PIGT: variants seen among roughly 807,000 people sequenced by gnomAD.
PIGT encodes GPI-anchor transamidase component PIGT.
A neutral mutation model predicts 66.7 loss-of-function variants in PIGT; 57 were observed. The ratio of observed to expected loss-of-function variants is 0.86; its 90% CI spans 0.69 to 1.07. PIGT has a LOEUF of 1.07. Ranked by LOEUF, PIGT falls within the 50% of genes least tolerant of loss-of-function variation. The probability of loss-of-function intolerance (pLI) is 0.00; values close to 1 mark genes in which losing one functional copy is unlikely to be tolerated. For missense variants in PIGT, 725 were observed against 740.4 expected (o/e 0.98, Z 0.24); for synonymous variants, 362 against 320.5 (o/e 1.13, Z -1.38).
chr20:45,418,846 A>C lies in PIGT; in HGVS notation c.366-6A>C, dbSNP rs201081759. On this transcript the variant is annotated splice_polypyrimidine_tract_variant and splice_region_variant and intron_variant, in intron 2 of 11. Transcript: ENST00000279036. ...GGACAGTGAGTGGATTTGTGTCTCT[A>C]TCCAGTGTGGATAAATCTTGGAAGG... is the stretch of plus-strand genomic sequence containing the variant. 6.2e-7 allele frequency: 1 copy of C among 1,613,754 alleles called. No individual in the cohort carries two copies. Among genetic ancestry groups the C allele is most frequent in the African/African-American group, 1.3e-5 (1 of 74,910 alleles).
At chr20:45,419,631 C>A in intron 5 of PIGT, 41 bp downstream of exon 5, 1 of 1,377,766 alleles carries the variant, frequency 7.3e-7, no homozygotes, top group Non-Finnish European at 1.0e-6. Flanking sequence ...TCCAGGGGCT[C>A]AGAGAAGGTA....
Position 45,421,423 on chromosome 20 carries a change from G to C in PIGT, c.1074G>C (p.Val358=). 9.3e-6 allele frequency: 15 copies of C among 1,614,162 alleles called. No homozygotes were observed. The highest frequency in any genetic ancestry group is 1.3e-5 in the Non-Finnish European group (15 of 1,180,016). The change falls in exon 9 of 12, where the codon GTG becomes GTC. Residue 358 remains valine (V), a synonymous_variant. Transcript: ENST00000279036. ...PVPFLHAQRY[V]SGYGLQKGEL... is the part of the protein sequence containing the mutation. ...CCTTCCTGCATGCCCAGCGGTACGT[G>C]AGTGGCTATGGGCTGCAGAAGGGGG... is the stretch of plus-strand genomic sequence containing the variant.
At chr20:45,421,616 C>T (rs1990371585) in intron 9 of PIGT, 33 bp downstream of exon 9, 2 of 1,581,410 alleles carry the variant, frequency 1.3e-6, no homozygotes, top group Non-Finnish European at 8.7e-7. Context: ...AGGCCCCCAG[C>T]CCGCCCTCTC....
At chr20:45,423,822 A>G (rs994812225) in intron 9 of PIGT, 2 of 223,086 alleles carry the variant, frequency 9.0e-6, no homozygotes, top group South Asian at 7.5e-5. Context: ...CTCCTCTCCT[A>G]TATTTCTTGT....
chr20:45,419,706 C>A (rs1019989975), intron 5 of PIGT, 116 bp downstream of exon 5: 3 of 777,398 alleles, frequency 3.9e-6, no homozygotes, highest in Non-Finnish European at 2.3e-6. Context: ...GATGTGATGA[C>A]GGTTATTCAG....
chr20:45,419,602 G>T lies in PIGT; in HGVS notation c.681+12G>T. ...GCCCTGTTTGCAGAGTAAGTCATGG[G>T]GAGTAGAGGAAGCTGCCATCCAGGG... On this transcript the variant is annotated intron_variant, in intron 5 of 11. Coordinates refer to ENST00000279036, the MANE Select transcript of PIGT (RefSeq NM_015937.6). 1 of 1,584,070 alleles carries T rather than the reference G, an allele frequency of 6.3e-7. No individual in the cohort carries two copies. The highest frequency in any genetic ancestry group is 1.1e-5 in the South Asian group (1 of 90,476).
intron 9 of PIGT, chr20:45,422,422 A>G (rs181304309): frequency 6.6e-6 from 1 of 151,140 alleles, no homozygotes; most frequent in Non-Finnish European, 1.5e-5. Flanking sequence ...ATAGTGTAAT[A>G]ATCCCCTGTA....
intron 5 of PIGT, 146 bp from the exon 6 acceptor site, chr20:45,419,990 G>A (rs902864137): frequency 1.6e-5 from 10 of 641,024 alleles, no homozygotes; most frequent in Admixed American, 2.5e-5. Flanking sequence ...GGTCTGGCAC[G>A]AGGTCAAGTG....
intron 4 of PIGT, 37 bp downstream of exon 4, chr20:45,419,432 T>A (rs772341021): frequency 6.8e-7 from 1 of 1,465,840 alleles, no homozygotes; most frequent in Non-Finnish European, 9.5e-7. Context: ...GGGCGGGGGG[T>A]GTATAGAGAA....
Position 45,418,994 on chromosome 20 carries a change from A to G in PIGT, c.493+15A>G. On this transcript the variant is annotated intron_variant, in intron 3 of 11. Coordinates refer to ENST00000279036, the MANE Select transcript of PIGT (RefSeq NM_015937.6). ...TCTGGCCAATGGTGAGATAACCCCT[A>G]CAGCCCTTTCCTTCTTCCTCTTACC... 1 of 1,614,002 alleles carries G rather than the reference A, an allele frequency of 6.2e-7. No individual in the cohort carries two copies. The highest frequency in any genetic ancestry group is 1.1e-5 in the South Asian group (1 of 91,060).
chr20:45,425,459 GC>G, intron 11 of PIGT, 114 bp from the exon 12 acceptor site: 1 of 1,151,702 alleles, frequency 8.7e-7, no homozygotes, highest in South Asian at 1.5e-5. Flanking sequence ...AAGGTTTTGA[GC>G]CTAAGAGAAC....
intron 2 of PIGT, 56 bp downstream of exon 2, chr20:45,416,750 G>T: frequency 6.7e-7 from 1 of 1,487,994 alleles, no homozygotes; most frequent in South Asian, 1.3e-5. Flanking sequence ...GGCTGGGAGA[G>T]TGTTGTCATC....
intron 2 of PIGT, chr20:45,417,842 A>C (rs1269859477): frequency 6.6e-6 from 1 of 152,240 alleles, no homozygotes; most frequent in Non-Finnish European, 1.5e-5. Context: ...AGCTCTGAAC[A>C]TAGAATTATC....
At position 45,416,293 on chromosome 20, in the gene PIGT, C is replaced by G. The variant is rs1007741899; in HGVS notation, c.137C>G (p.Ala46Gly). Reference sequence around the variant, plus strand: ...CCGCTGCCTTCCGGGGACGTAGCCGCCACATTCCAGTTCCGCACGCGCTGG... The same window carrying G: ...CCGCTGCCTTCCGGGGACGTAGCCGGCACATTCCAGTTCCGCACGCGCTGG... ...ITPLPSGDVA[A>G]TFQFRTRWDS... is the part of the protein sequence containing the mutation. The change falls in exon 1 of 12, where the codon GCC (alanine) becomes GGC (glycine). Residue 46 changes from alanine (A) to glycine (G), a missense_variant. Physicochemically the swap from Ala to Gly is moderately conservative, Grantham distance 60. Around this residue, in one of 3 missense-constraint regions of PIGT, gnomAD observed 559 missense variants for 552.7 expected, o/e 1.01. Transcript: ENST00000279036. The G allele has an allele frequency of 6.2e-7, 1 of 1,600,212 alleles. No individual in the cohort carries two copies. Among genetic ancestry groups the G allele is most frequent in the Non-Finnish European group, 8.5e-7 (1 of 1,173,422 alleles).
In PIGT at chr20:45,424,472, G is replaced by A. The variant is rs753141893; in HGVS notation, c.1401-24G>A. ...GATAGGGCAGCCAGATGGGAACACG[G>A]GCCATCTCTCTGCTTCTCTGTAGCC... On this transcript the variant is annotated intron_variant, in intron 10 of 11. Coordinates refer to ENST00000279036, the MANE Select transcript of PIGT (RefSeq NM_015937.6). 6 of 1,613,304 alleles carry A rather than the reference G, an allele frequency of 3.7e-6. No homozygotes were observed. The Admixed American group carries it at 1.0e-4, about 27-fold the overall frequency.
In PIGT at chr20:45,416,688, T is replaced by A; in HGVS notation, c.359T>A (p.Val120Asp). The change falls in exon 2 of 12, where the codon GTC (valine) becomes GAC (aspartate). Residue 120 changes from valine (V) to aspartate (D), a missense_variant. This residue lies in a region of PIGT where 559 missense variants were observed against 552.7 expected (regional missense o/e 1.01). Coordinates refer to ENST00000279036, the MANE Select transcript of PIGT (RefSeq NM_015937.6). ...CTGTGGGTCTGGTTCCAAGACACTG[T>A]CACTGAGTGAGTGCACACCTTGGGC... ...AELWVWFQDT[V>D]TDVDKSWKEL... 1 of 1,612,542 alleles carries A rather than the reference T, an allele frequency of 6.2e-7. No individual in the cohort carries two copies. Among genetic ancestry groups the A allele is most frequent in the Non-Finnish European group, 8.5e-7 (1 of 1,179,616 alleles).
chr20:45,419,196 G>A (rs1341427772), intron 3 of PIGT, 99 bp from the exon 4 acceptor site: 2 of 1,130,618 alleles, frequency 1.8e-6, no homozygotes, highest in Non-Finnish European at 2.6e-6. Flanking sequence ...GGTGCTAGAG[G>A]TGGTGTGGGG....
At chr20:45,419,064 C>G in intron 3 of PIGT, 85 bp downstream of exon 3, 2 of 1,559,224 alleles carry the variant, frequency 1.3e-6, no homozygotes, top group South Asian at 1.1e-5. Context: ...TTCCTGCTTC[C>G]TCAGCCTGGG....
At position 45,426,120 on chromosome 20, in the gene PIGT, C is replaced by A. The variant is rs1341190635; in HGVS notation, c.*294C>A. 1 of 468,670 alleles carries A rather than the reference C, an allele frequency of 2.1e-6. No homozygotes were observed. Among genetic ancestry groups the A allele is most frequent in the African/African-American group, 1.9e-5 (1 of 51,436 alleles). The allele number at this position is 468,670 out of a possible 1,614,324, so 29.0% of individuals were successfully genotyped here. ...TATTGGACAGCACAGAAAAAGATTT[C>A]CATCACCACAGAAAGGTCGGCTGGC... On this transcript the variant is annotated 3_prime_UTR_variant, in exon 12 of 12. Transcript: ENST00000279036.
Sources: gnomAD v4.1 joint callset for allele counts on GRCh38, gnomAD v4.1.1 for gene constraint, gnomAD v4.1.1 regional missense constraint, MANE v1.5 for transcripts, NCBI Gene and HGNC (gene_info 2026-07-23, HGNC 2026-07-21) for gene names.